LMAN1L: variants seen among roughly 807,000 people sequenced by gnomAD.
The protein encoded by LMAN1L is lectin, mannose binding 1 like, also known as protein ERGIC-53-like.
In LMAN1L, 60 loss-of-function variants were observed where a neutral mutation model predicts 58.3. That is an observed-to-expected ratio of 1.03 (90% CI 0.84 to 1.27). LMAN1L has a LOEUF of 1.27. Ranked by LOEUF, LMAN1L falls within the 50% of genes most tolerant of loss-of-function variation. The pLI, the probability that LMAN1L is intolerant of heterozygous loss-of-function variation, is 0.00. For synonymous variants in LMAN1L, 280 were observed against 271.6 expected, an observed-to-expected ratio of 1.03 and a Z score of -0.31; for missense variants, 629 against 674.0, an observed-to-expected ratio of 0.93 and a Z score of 0.74.
At chr15:74,819,024 G>A (rs1567224281) in intron 5 of LMAN1L, 128 bp from the exon 6 acceptor site, 3 of 1,166,950 alleles carry the variant, frequency 2.6e-6, no homozygotes, top group South Asian at 1.4e-5. Context: ...ATGAGACCAG[G>A]AGTGCGGGTC....
At chr15:74,816,134 G>T in intron 1 of LMAN1L, 23 bp from the exon 2 acceptor site, 1 of 1,541,616 alleles carries the variant, frequency 6.5e-7, no homozygotes, top group South Asian at 1.2e-5. Context: ...GGAGCCTGGG[G>T]CTTGAGCTGC....
intron 11 of LMAN1L, 29 bp from the exon 12 acceptor site, chr15:74,823,529 TC>T (rs1224592651): frequency 6.2e-7 from 1 of 1,611,802 alleles, no homozygotes; most frequent in East Asian, 2.2e-5. Context: ...AGGTAATGAG[TC>T]ATCTTACTTG....
chr15:74,816,160 C>T lies in LMAN1L; in HGVS notation c.179C>T (p.Ala60Val), dbSNP rs752475983. 40 of 1,548,050 alleles carry T rather than the reference C, an allele frequency of 2.6e-5. No individual in the cohort carries two copies. The highest frequency in any genetic ancestry group is 3.1e-5 in the Non-Finnish European group (36 of 1,146,850). The stretch of plus-strand genomic sequence containing the variant: ...CTTGAGCTGCCCTTGTCCACAGACG[C>T]CATCCTGGGCCTGGAGGAAGTGCGG... ...GIPFWSHHGD[A>V]ILGLEEVRLT... is the part of the protein sequence containing the mutation. Residue 60 changes from alanine to valine, a missense_variant, in exon 2 of 14, where the codon GCC (alanine) becomes GTC (valine). Ala to Val is a moderately conservative substitution (Grantham distance 64). This residue lies in a region of LMAN1L where 573 missense variants were observed against 597.3 expected (regional missense o/e 0.96). Transcript: ENST00000309664.
At chr15:74,815,184 T>C (rs779932012) in intron 1 of LMAN1L, among the ~76,000 whole-genome samples, 6 of 152,234 alleles carry the variant, frequency 3.9e-5, no homozygotes, top group Non-Finnish European at 7.3e-5. Context: ...CTGAAAGCCT[T>C]CTGCAAGGAT....
intron 13 of LMAN1L, 25 bp from the exon 14 acceptor site, chr15:74,825,451 C>G (rs2141118806): frequency 6.2e-7 from 1 of 1,602,296 alleles, no homozygotes; most frequent in African/African-American, 1.3e-5. Flanking sequence ...ACGCAAGTAA[C>G]CTGTAACCTT....
At position 74,822,521 on chromosome 15, in the gene LMAN1L, G is replaced by A. The variant is rs867718913; in HGVS notation, c.1132-121G>A. ...GAGAAACACAGTGTGTCCAAATAAG[G>A]AGGCCCTGGTAATCTGGGAAGGCCT... is the stretch of plus-strand genomic sequence containing the variant. On this transcript the variant is annotated intron_variant, in intron 10 of 13. Coordinates refer to ENST00000309664, the MANE Select transcript of LMAN1L (RefSeq NM_021819.3). The A allele has an allele frequency of 8.4e-6, 6 of 717,278 alleles. No homozygotes were observed. The Middle Eastern group carries it at 1.3e-3, about 155-fold the overall frequency. The allele number at this position is 717,278 out of a possible 1,614,324, so 44.4% of individuals were successfully genotyped here. A position where few individuals can be genotyped will look rare whatever the true frequency, so the allele number is the denominator to read the frequency against.
rs760625397 is a variant in LMAN1L at position 74,816,294 on chromosome 15, CG to C, written c.317del (p.Gly106GlufsTer16). 1 of 1,612,284 alleles carries C rather than the reference CG, an allele frequency of 6.2e-7. No individual in the cohort carries two copies. Among genetic ancestry groups the C allele is most frequent in the Non-Finnish European group, 8.5e-7 (1 of 1,179,786 alleles). On this transcript the variant is annotated frameshift_variant, in exon 2 of 14. Coordinates refer to ENST00000309664, the MANE Select transcript of LMAN1L (RefSeq NM_021819.3). LOFTEE classifies it high-confidence loss of function. Reference sequence around the variant, plus strand: ...GATGAGGGTGACGGGACTGGGGCGCCGGGGAGCCCAGGGCATGGTGAGTGTC... The same window carrying C: ...GATGAGGGTGACGGGACTGGGGCGCCGGGAGCCCAGGGCATGGTGAGTGTC... ...VQMRVTGLGR[R>X]GAQGMAVWYT...
intron 11 of LMAN1L, among the ~76,000 whole-genome samples, chr15:74,823,198 C>T (rs1371809169): frequency 6.6e-6 from 1 of 152,164 alleles, no homozygotes; most frequent in Non-Finnish European, 1.5e-5. Context: ...GCATGCATCC[C>T]AGGCTGAAGC....
At chr15:74,819,396 C>G in intron 6 of LMAN1L, 124 bp downstream of exon 6, 9 of 1,280,476 alleles carry the variant, frequency 7.0e-6, no homozygotes, top group Non-Finnish European at 9.6e-6. Context: ...GCTTCTGTGA[C>G]CCTTGGGAGA....
intron 6 of LMAN1L, chr15:74,819,661 T>G: frequency 2.1e-6 from 1 of 467,038 alleles, no homozygotes; most frequent in Non-Finnish European, 3.9e-6. Flanking sequence ...TGGTCTGGTT[T>G]CTGAGGAGGA....
intron 4 of LMAN1L, among the ~76,000 whole-genome samples, chr15:74,817,806 G>A (rs2063898401): frequency 6.6e-6 from 1 of 152,148 alleles, no homozygotes; most frequent in Admixed American, 6.5e-5. Context: ...GAGGTCAGGA[G>A]TTTGAGACCA....
rs528288813 is a variant in LMAN1L, at chr15:74,816,932, A to G, written c.497+242A>G. 2.0e-5 allele frequency among the ~76,000 whole-genome samples: 3 copies of G among 152,144 alleles called. No individual in the cohort carries two copies. In the South Asian group the frequency reaches 6.2e-4, roughly 32 times the overall value. On this transcript the variant is annotated intron_variant, in intron 4 of 13. Transcript: ENST00000309664. ...TGTGATGAGTATCTTTGCTCCCATG[A>G]TCTCATCCCATCTCCAACACCCTCC...
intron 4 of LMAN1L, 149 bp downstream of exon 4, chr15:74,816,839 C>G: frequency 1.4e-6 from 1 of 733,120 alleles, no homozygotes; most frequent in East Asian, 2.8e-5. Flanking sequence ...ACTTAGCCGA[C>G]GTCCGCCCCC....
chr15:74,823,663 A>T lies in LMAN1L; in HGVS notation c.1304A>T (p.Glu435Val), dbSNP rs866806765. 1.2e-6 allele frequency: 2 copies of T among 1,613,594 alleles called. No individual in the cohort carries two copies. The highest frequency in any genetic ancestry group is 1.7e-6 in the Non-Finnish European group (2 of 1,179,814). The change falls in exon 12 of 14, where the codon GAG becomes GTG. Residue 435 changes from glutamate (E) to valine (V), a missense_variant. By Grantham distance (121) the Glu-to-Val change is moderately radical. Transcript: ENST00000309664. ...GACCACATCCTGGGCCTCCTGCAGG[A>T]GGAGCTTCGGGGCCCGGCGGTGAGG... is the stretch of plus-strand genomic sequence containing the variant. Reference protein sequence around the residue: ...ELDHILGLLQEELRGPAKAAA... With the variant: ...ELDHILGLLQVELRGPAKAAA...
In LMAN1L at chr15:74,823,640, C is replaced by T. The variant is rs542573468; in HGVS notation, c.1281C>T (p.Asp427=). 1.9e-5 allele frequency: 30 copies of T among 1,613,894 alleles called. No individual in the cohort carries two copies. The highest frequency in any genetic ancestry group is 2.5e-5 in the Non-Finnish European group (30 of 1,179,902). Residue 427 remains aspartate (D), a synonymous_variant, in exon 12 of 14, where the codon GAC becomes GAT. Transcript: ENST00000309664. ...VGIEHHFLEL[D]HILGLLQEEL... ...TTGAGCATCATTTCTTAGAGCTGGA[C>T]CACATCCTGGGCCTCCTGCAGGAGG...
chr15:74,814,089 G>A (rs1054001057), intron 1 of LMAN1L, among the ~76,000 whole-genome samples: 42 of 144,432 alleles, frequency 2.9e-4, no homozygotes, highest in African/African-American at 1.1e-3. Flanking sequence ...TCCTGCCATT[G>A]CACTTCAGCC....
intron 4 of LMAN1L, among the ~76,000 whole-genome samples, chr15:74,817,138 C>T (rs1183426594): frequency 6.6e-6 from 1 of 152,194 alleles, no homozygotes; most frequent in African/African-American, 2.4e-5. Context: ...CCCTCCCCGG[C>T]CCTACTGCCT....
intron 6 of LMAN1L, 36 bp downstream of exon 6, chr15:74,819,308 C>G (rs1158887078): frequency 1.2e-6 from 2 of 1,606,558 alleles, no homozygotes; most frequent in Non-Finnish European, 1.7e-6. Flanking sequence ...AGCAGAAGGG[C>G]AGTGATGAAT....
chr15:74,825,436 G>A, intron 13 of LMAN1L, 40 bp from the exon 14 acceptor site: 2 of 1,584,164 alleles, frequency 1.3e-6, no homozygotes, highest in Non-Finnish European at 8.6e-7. Flanking sequence ...GCCCATAAAG[G>A]AGAGACGCAA....
Sources: allele counts gnomAD v4.1 joint callset (sites outside exome capture counted in the v4.1 genomes callset), GRCh38; gene constraint gnomAD v4.1.1; regional missense constraint gnomAD v4.1.1; transcripts MANE v1.5; gene names NCBI Gene and HGNC (gene_info 2026-07-23, HGNC 2026-07-21).